SF3B6: variants seen among roughly 807,000 people sequenced by gnomAD.
The protein encoded by SF3B6 is splicing factor 3b subunit 6, also known as SF3b 14 kDa subunit.
In SF3B6, 3 loss-of-function variants were observed where a neutral mutation model predicts 15.9. The observed-to-expected ratio is 0.19, with a 90% confidence interval of 0.09 to 0.49. The LOEUF (loss-of-function observed/expected upper bound fraction) is 0.49, where lower values mean the gene tolerates loss of function less well. SF3B6 is among the 20% of genes least tolerant of loss of function. The pLI is 0.97. For missense variants in SF3B6, 71 were observed against 154.3 expected, an observed-to-expected ratio of 0.46 and a Z score of 2.86; for synonymous variants, 49 against 51.1, an observed-to-expected ratio of 0.96 and a Z score of 0.18.
intron 2 of SF3B6, among the ~76,000 whole-genome samples, 155 bp from the exon 3 acceptor site, chr2:24,068,614 C>A (rs1406998702): frequency 6.6e-6 from 1 of 152,176 alleles, no homozygotes; most frequent in Non-Finnish European, 1.5e-5. Flanking sequence ...CTGAAACCAT[C>A]AGAGGAAATA....
chr2:24,067,821 C>T lies in SF3B6; in HGVS notation c.319G>A (p.Glu107Lys). 1 of 1,614,146 alleles carries T rather than the reference C, an allele frequency of 6.2e-7. No homozygotes were observed. The highest frequency in any genetic ancestry group is 8.5e-7 in the Non-Finnish European group (1 of 1,180,018). Residue 107 changes from glutamate (E) to lysine (K), a missense_variant, in exon 4 of 4, where the codon GAG becomes AAG. Physicochemically the swap from Glu to Lys is moderately conservative, Grantham distance 56. Coordinates refer to ENST00000233468, the MANE Select transcript of SF3B6 (RefSeq NM_016047.4). The stretch of plus-strand genomic sequence containing the variant: ...TCCTTGAGAAGCTTCAACTGTTCCT[C>T]CTTCTTCTTTGTGTCCATCTTCTGA... ...AFQKMDTKKK[E>K]EQLKLLKEKY...
At chr2:24,072,548 CTG>C (rs910901955) in intron 2 of SF3B6, among the ~76,000 whole-genome samples, 69 of 152,288 alleles carry the variant, frequency 4.5e-4, no homozygotes, top group African/African-American at 1.6e-3. Context: ...TTCACAGACA[CTG>C]TGTAATTTCA....
chr2:24,074,245 T>C, intron 1 of SF3B6, 51 bp from the exon 2 acceptor site: 2 of 974,662 alleles, frequency 2.1e-6, no homozygotes, highest in Non-Finnish European at 3.1e-6. Flanking sequence ...TTCTAAAAAA[T>C]TATAATTTAA....
intron 2 of SF3B6, among the ~76,000 whole-genome samples, chr2:24,072,519 G>A (rs746556649): frequency 1.3e-5 from 2 of 152,086 alleles, no homozygotes; most frequent in Non-Finnish European, 2.9e-5. Context: ...ACACTGGGAA[G>A]GAAAACTGAT....
intron 1 of SF3B6, among the ~76,000 whole-genome samples, chr2:24,075,760 T>C (rs557355504): frequency 6.6e-6 from 1 of 152,020 alleles, no homozygotes; most frequent in Admixed American, 6.6e-5. Context: ...GAATACATAG[T>C]AGGTGCTCAA....
At chr2:24,073,842 T>C in intron 2 of SF3B6, 2 of 375,848 alleles carry the variant, frequency 5.3e-6, no homozygotes, top group Non-Finnish European at 9.5e-6. Context: ...AATGAATGCT[T>C]TGAGGAAACT....
At chr2:24,067,938 T>G (rs1182951260) in intron 3 of SF3B6, 87 bp from the exon 4 acceptor site, 1 of 1,049,114 alleles carries the variant, frequency 9.5e-7, no homozygotes, top group African/African-American at 1.6e-5. Flanking sequence ...AAGAAAGTCA[T>G]AGTAGACATA....
intron 1 of SF3B6, among the ~76,000 whole-genome samples, chr2:24,075,882 T>C (rs1208285101): frequency 6.6e-6 from 1 of 152,066 alleles, no homozygotes; most frequent in Non-Finnish European, 1.5e-5. Flanking sequence ...AGGACTCTTC[T>C]GAGATATCGA....
chr2:24,074,165 T>G lies in SF3B6; in HGVS notation c.60A>C (p.Ile20=). Residue 20 remains isoleucine, a synonymous_variant, in exon 2 of 4, where the codon ATA becomes ATC. Coordinates refer to ENST00000233468, the MANE Select transcript of SF3B6 (RefSeq NM_016047.4). ...NIRLPPEVNR[I]LYIRNLPYKI... ...TGTATGGCAAATTTCTTATATACAA[T>G]ATCCGATTTACTTCAGGTGGAAGTC... The G allele has an allele frequency of 1.2e-6, 2 of 1,602,052 alleles. No individual in the cohort carries two copies. Among genetic ancestry groups the G allele is most frequent in the Non-Finnish European group, 1.7e-6 (2 of 1,170,340 alleles).
At chr2:24,068,108 C>T (rs922580734) in intron 3 of SF3B6, among the ~76,000 whole-genome samples, 1 of 152,146 alleles carries the variant, frequency 6.6e-6, no homozygotes, top group Non-Finnish European at 1.5e-5. Context: ...GGACTACAGG[C>T]GCCCGCCACC....
intron 1 of SF3B6, among the ~76,000 whole-genome samples, chr2:24,074,948 G>A (rs1166869841): frequency 6.6e-6 from 1 of 152,134 alleles, no homozygotes; most frequent in Non-Finnish European, 1.5e-5. Flanking sequence ...GGCCAACACG[G>A]AGAAACCCTG....
chr2:24,070,388 C>T (rs779235045), intron 2 of SF3B6, among the ~76,000 whole-genome samples: 1 of 152,180 alleles, frequency 6.6e-6, no homozygotes, highest in Non-Finnish European at 1.5e-5. Context: ...AAGTGATCCA[C>T]CCACCTCAGC....
At chr2:24,076,169 T>G (rs1160121326) in intron 1 of SF3B6, 31 bp downstream of exon 1, 1 of 1,614,110 alleles carries the variant, frequency 6.2e-7, no homozygotes, top group Admixed American at 1.7e-5. Context: ...CCCGAAGTTC[T>G]CCCACCCTCC....
intron 1 of SF3B6, among the ~76,000 whole-genome samples, chr2:24,075,333 TTTTCTTTCTTTC>T (rs36188791): frequency 0.023 from 3,081 of 132,372 alleles, 122 homozygotes; most frequent in African/African-American, 0.08. Context: ...ATTGCTTGTC[TTTTCTTTCTTTC>T]TTTCTTTCTT....
chr2:24,076,111 CGGAGGAGG>C (rs1664741741), intron 1 of SF3B6, 81 bp downstream of exon 1: 1 of 1,520,994 alleles, frequency 6.6e-7, no homozygotes, highest in South Asian at 1.1e-5. Context: ...GCTCTGGGGA[CGGAGGAGG>C]AGCAAGAATG....
chr2:24,069,901 A>G (rs1442383912), intron 2 of SF3B6, among the ~76,000 whole-genome samples: 3 of 152,214 alleles, frequency 2.0e-5, no homozygotes, highest in African/African-American at 4.8e-5. Context: ...CCTTAAGAGC[A>G]AAGGTGATCT....
At chr2:24,071,044 G>A (rs1421572456) in intron 2 of SF3B6, among the ~76,000 whole-genome samples, 1 of 151,988 alleles carries the variant, frequency 6.6e-6, no homozygotes, top group Non-Finnish European at 1.5e-5. Context: ...CCAGGCTGGA[G>A]TACAGTGGCA....
At chr2:24,070,272 C>A (rs1485484028) in intron 2 of SF3B6, among the ~76,000 whole-genome samples, 1 of 152,182 alleles carries the variant, frequency 6.6e-6, no homozygotes, top group Admixed American at 6.5e-5. Flanking sequence ...ACAGAGTCAA[C>A]CAATTCTTGT....
intron 3 of SF3B6, 26 bp from the exon 4 acceptor site, chr2:24,067,877 T>C (rs2150976895): frequency 1.3e-6 from 2 of 1,589,066 alleles, no homozygotes; most frequent in Non-Finnish European, 1.7e-6. Context: ...GCACCAAAAT[T>C]AAATTACCAA....
Sources: allele counts gnomAD v4.1 joint callset (sites outside exome capture counted in the v4.1 genomes callset), GRCh38; gene constraint gnomAD v4.1.1; transcripts MANE v1.5; gene names NCBI Gene and HGNC (gene_info 2026-07-23, HGNC 2026-07-21).